The following SLC25A21 variants were observed in gnomAD, a reference collection of about 807,000 sequenced individuals.
SLC25A21 encodes mitochondrial 2-oxodicarboxylate carrier.
SLC25A21 carries 47 observed loss-of-function variants against 43.8 expected under a neutral mutation model. That is an observed-to-expected ratio of 1.07 (90% CI 0.85 to 1.37). SLC25A21 has a LOEUF of 1.37. Among genes scored for constraint, SLC25A21 ranks in the 40% most tolerant of loss-of-function variants. SLC25A21 has a pLI of 0.00. For synonymous variants in SLC25A21, 131 were observed against 121.3 expected (o/e 1.08, Z -0.52); for missense variants, 352 against 350.2 (o/e 1.00, Z -0.04).
At chr14:36,920,786 A>G (rs1245591931) in intron 1 of SLC25A21, among the ~76,000 whole-genome samples, 1 of 152,144 alleles carries the variant, frequency 6.6e-6, no homozygotes, top group Non-Finnish European at 1.5e-5. Flanking sequence ...CAGACACTCA[A>G]CAAATAACAT....
intron 1 of SLC25A21, among the ~76,000 whole-genome samples, chr14:37,133,143 GCA>G (rs33962615): frequency 0.11 from 16,518 of 147,676 alleles, 990 homozygotes; most frequent in African/African-American, 0.16. Context: ...GTGCACTCGT[GCA>G]CACACACACA....
intron 1 of SLC25A21, among the ~76,000 whole-genome samples, chr14:36,884,506 G>A (rs886958626): frequency 1.5e-4 from 23 of 152,138 alleles, no homozygotes; most frequent in African/African-American, 5.6e-4. Flanking sequence ...TGGGATTGCT[G>A]GATCATATAT....
At chr14:36,717,578 C>G (rs1884197146) in intron 6 of SLC25A21, among the ~76,000 whole-genome samples, 1 of 152,216 alleles carries the variant, frequency 6.6e-6, no homozygotes, top group Non-Finnish European at 1.5e-5. Flanking sequence ...GCCCTTGCAC[C>G]AATGGCAGAG....
rs1410615589 is a variant in SLC25A21, at chr14:36,679,977, T to TAAAC, written c.*677_*680dup. On this transcript the variant is annotated 3_prime_UTR_variant, in exon 10 of 10. Transcript: ENST00000331299. ...ACAACAGTGTTTTAACATTCTGTTT[T>TAAAC]AAACAATGTTTTAAAATACCTATTT... The TAAAC allele has an allele frequency of 4.7e-6, 4 of 845,116 alleles. No individual in the cohort carries two copies. Among genetic ancestry groups the TAAAC allele is most frequent in the Non-Finnish European group, 5.6e-6 (4 of 719,706 alleles). 52.4% of individuals were successfully genotyped at this position (845,116 alleles called of 1,614,324 possible). A position where few individuals can be genotyped will look rare whatever the true frequency, so the allele number is the denominator to read the frequency against.
intron 1 of SLC25A21, among the ~76,000 whole-genome samples, chr14:37,098,768 GACAGAC>G (rs1962755908): frequency 7.7e-6 from 1 of 130,276 alleles, no homozygotes; most frequent in African/African-American, 3.3e-5. Flanking sequence ...CAGACAGACA[GACAGAC>G]AGACAGACAG....
rs374904970 is a variant in SLC25A21 at position 37,040,359 on chromosome 14, A to G, written c.70+131922T>C. 1.5e-3 allele frequency among the ~76,000 whole-genome samples: 62 copies of G among 40,132 alleles called. 5 individuals carry two copies. Among genetic ancestry groups the G allele is most frequent in the Middle Eastern group, 0.013 (1 of 76 alleles). The allele number at this position is 40,132 out of a possible 152,430, so 26.3% of individuals were successfully genotyped here. On this transcript the variant is annotated intron_variant, in intron 1 of 9. Transcript: ENST00000331299. The stretch of plus-strand genomic sequence containing the variant: ...AAGGAAGGAAGGAAGGAAGGAAAGA[A>G]AGAGAGAGAGAGAGAGAAAGAAAGA...
intron 1 of SLC25A21, among the ~76,000 whole-genome samples, chr14:36,890,336 T>C (rs142820385): frequency 1.7e-3 from 255 of 152,170 alleles, no homozygotes; most frequent in African/African-American, 5.1e-3. Flanking sequence ...TTTTGCCAAA[T>C]GAATATGAGG....
chr14:37,005,893 C>CT (rs1391734086), intron 1 of SLC25A21, among the ~76,000 whole-genome samples: 4 of 152,234 alleles, frequency 2.6e-5, no homozygotes, highest in African/African-American at 7.2e-5. Context: ...AAAAATAGAG[C>CT]CCATTATCCA....
At chr14:36,680,993 T>C (rs79350500) in intron 9 of SLC25A21, among the ~76,000 whole-genome samples, 78 of 152,310 alleles carry the variant, frequency 5.1e-4, no homozygotes, top group African/African-American at 1.8e-3. Flanking sequence ...CACTTTCAAT[T>C]TTTAAAAGTA....
At chr14:36,750,751 A>G (rs1035108220) in intron 3 of SLC25A21, among the ~76,000 whole-genome samples, 1 of 152,232 alleles carries the variant, frequency 6.6e-6, no homozygotes, top group Non-Finnish European at 1.5e-5. Flanking sequence ...CTAATGAAGT[A>G]GGGCTGCTCT....
chr14:37,001,192 C>T (rs1413040136), intron 1 of SLC25A21, among the ~76,000 whole-genome samples: 2 of 152,288 alleles, frequency 1.3e-5, no homozygotes, highest in East Asian at 1.9e-4. Flanking sequence ...AGTAGCTTAA[C>T]TATTGTAGCT....
chr14:36,993,489 C>G (rs1413702868), intron 1 of SLC25A21, among the ~76,000 whole-genome samples: 5 of 152,114 alleles, frequency 3.3e-5, no homozygotes, highest in Non-Finnish European at 7.4e-5. Context: ...TGATCACAAC[C>G]AGTCAACAAC....
At chr14:37,162,971 A>G (rs895123017) in intron 1 of SLC25A21, among the ~76,000 whole-genome samples, 2 of 152,212 alleles carry the variant, frequency 1.3e-5, no homozygotes, top group Non-Finnish European at 2.9e-5. Context: ...ATAAGAAATG[A>G]TAAGTTCATG....
chr14:37,014,926 A>G (rs866984565), intron 1 of SLC25A21, among the ~76,000 whole-genome samples: 8 of 152,236 alleles, frequency 5.3e-5, no homozygotes, highest in African/African-American at 1.7e-4. Flanking sequence ...TTTTCTTGGC[A>G]GTAGGTCTTC....
intron 1 of SLC25A21, among the ~76,000 whole-genome samples, chr14:37,134,387 C>G (rs1001198540): frequency 6.6e-6 from 1 of 152,148 alleles, no homozygotes; most frequent in African/African-American, 2.4e-5. Flanking sequence ...CTTACGTCCT[C>G]AATGGCAGAG....
chr14:37,155,557 C>A (rs548129092), intron 1 of SLC25A21, among the ~76,000 whole-genome samples: 2 of 152,026 alleles, frequency 1.3e-5, no homozygotes, highest in Non-Finnish European at 2.9e-5. Flanking sequence ...ATCTAGTCAC[C>A]TATAAAGAAA....
At chr14:36,832,196 G>C (rs571295587) in intron 2 of SLC25A21, among the ~76,000 whole-genome samples, 8 of 152,220 alleles carry the variant, frequency 5.3e-5, no homozygotes, top group African/African-American at 1.4e-4. Flanking sequence ...ATCACCACCA[G>C]AGTATAGTGG....
At chr14:36,956,086 T>G (rs1277180525) in intron 1 of SLC25A21, among the ~76,000 whole-genome samples, 9 of 152,204 alleles carry the variant, frequency 5.9e-5, no homozygotes, top group African/African-American at 1.7e-4. Context: ...CCCCCCACTA[T>G]ATACGTATTA....
chr14:37,108,703 A>AAG (rs1336134327), intron 1 of SLC25A21, among the ~76,000 whole-genome samples: 213 of 68,812 alleles, frequency 3.1e-3, no homozygotes, highest in African/African-American at 0.01. Context: ...GAGTTTTGTT[A>AAG]AGTGTGTGTG....
Sources: gnomAD v4.1 joint callset for allele counts (sites outside exome capture counted in the v4.1 genomes callset) on GRCh38, gnomAD v4.1.1 for gene constraint, MANE v1.5 for transcripts, NCBI Gene and HGNC (gene_info 2026-07-23, HGNC 2026-07-21) for gene names.